Variants in ZDHHC2 observed in about 807,000 individuals in gnomAD.
The protein encoded by ZDHHC2 is palmitoyltransferase ZDHHC2.
In ZDHHC2, 51 loss-of-function variants were observed where a neutral mutation model predicts 55.6. The ratio of observed to expected loss-of-function variants is 0.92; its 90% CI spans 0.73 to 1.16. ZDHHC2 has a LOEUF of 1.16. ZDHHC2 is among the 50% of genes most tolerant of loss of function. The pLI, the probability that ZDHHC2 is intolerant of heterozygous loss-of-function variation, is 0.00. For synonymous variants in ZDHHC2, 199 were observed against 152.9 expected (o/e 1.30, Z -2.22); for missense variants, 491 against 442.4 (o/e 1.11, Z -0.99).
chr8:17,203,955 G>C (rs112962302), intron 6 of ZDHHC2, among the ~76,000 whole-genome samples: 1 of 151,986 alleles, frequency 6.6e-6, no homozygotes, highest in Non-Finnish European at 1.5e-5. Context: ...CTACAGGCGT[G>C]TACTACCACG....
intron 1 of ZDHHC2, among the ~76,000 whole-genome samples, chr8:17,177,752 TTG>T (rs10570051): frequency 0.39 from 58,279 of 148,438 alleles, 13,428 homozygotes; most frequent in East Asian, 0.78. Flanking sequence ...TTTGGGGTGT[TTG>T]TGTGTGTGTG....
At chr8:17,197,041 T>C (rs1238619729) in intron 4 of ZDHHC2, among the ~76,000 whole-genome samples, 1 of 152,186 alleles carries the variant, frequency 6.6e-6, no homozygotes, top group Non-Finnish European at 1.5e-5. Context: ...AGTTTTACCC[T>C]ACAAAGACAG....
intron 3 of ZDHHC2, among the ~76,000 whole-genome samples, chr8:17,186,789 G>A (rs1037359568): frequency 1.3e-5 from 2 of 152,156 alleles, no homozygotes; most frequent in Admixed American, 6.5e-5. Context: ...TCAGCCACCA[G>A]AAACAACAAC....
chr8:17,187,742 A>G (rs1330037543), intron 3 of ZDHHC2, among the ~76,000 whole-genome samples: 6 of 151,814 alleles, frequency 4.0e-5, no homozygotes, highest in African/African-American at 1.2e-4. Flanking sequence ...AGTCTCATCC[A>G]CTCTGGTAGT....
chr8:17,205,357 G>A lies in ZDHHC2; in HGVS notation c.477-298G>A, dbSNP rs561455481. Among the ~76,000 whole-genome samples the A allele has an allele frequency of 1.3e-4, 20 of 152,310 alleles. No homozygotes were observed. In the South Asian group the frequency reaches 4.1e-3, roughly 32 times the overall value. The stretch of plus-strand genomic sequence containing the variant: ...CACCTAAGCTGCCTGGCCTGATACG[G>A]TTTCTCGCAGGCTCTGTGCTTTGAG... On this transcript the variant is annotated intron_variant, in intron 6 of 12. Transcript: ENST00000262096.
chr8:17,196,904 G>A (rs1275834883), intron 4 of ZDHHC2, among the ~76,000 whole-genome samples: 7 of 148,692 alleles, frequency 4.7e-5, no homozygotes, highest in South Asian at 4.2e-4. Context: ...GTGAGATTTC[G>A]TCTCAGAAAA....
At chr8:17,167,803 T>C (rs1003982383) in intron 1 of ZDHHC2, among the ~76,000 whole-genome samples, 11 of 152,172 alleles carry the variant, frequency 7.2e-5, no homozygotes, top group Admixed American at 2.6e-4. Flanking sequence ...AAGAACAATT[T>C]AGAATGTAAA....
chr8:17,221,803 A>G lies in ZDHHC2; in HGVS notation c.*1582A>G, dbSNP rs894632947. On this transcript the variant is annotated 3_prime_UTR_variant, in exon 13 of 13. Transcript: ENST00000262096. ...TTATGCTGAAGAGTTTCATCTGACA[A>G]TCTGCTTCAAGAAATCTCAGAAAAT... is the stretch of plus-strand genomic sequence containing the variant. 6 of 152,446 alleles carry G rather than the reference A, an allele frequency of 3.9e-5. No individual in the cohort carries two copies. Among genetic ancestry groups the G allele is most frequent in the Non-Finnish European group, 7.4e-5 (5 of 67,916 alleles). The allele number at this position is 152,446 out of a possible 1,614,324, so 9.4% of individuals were successfully genotyped here. A position where few individuals can be genotyped will look rare whatever the true frequency, so the allele number is the denominator to read the frequency against.
intron 1 of ZDHHC2, among the ~76,000 whole-genome samples, chr8:17,165,113 C>G (rs1273875162): frequency 6.6e-6 from 1 of 152,170 alleles, no homozygotes; most frequent in Non-Finnish European, 1.5e-5. Flanking sequence ...TCCAGAACAG[C>G]TGAGCTGGAG....
intron 3 of ZDHHC2, 95 bp downstream of exon 3, chr8:17,186,520 T>G (rs1805720251): frequency 1.4e-6 from 1 of 724,656 alleles, no homozygotes; most frequent in African/African-American, 1.9e-5. Context: ...GTTGCAAACT[T>G]ATTGAGTTTA....
intron 6 of ZDHHC2, among the ~76,000 whole-genome samples, chr8:17,202,492 G>A (rs532224853): frequency 2.0e-5 from 3 of 152,248 alleles, no homozygotes; most frequent in African/African-American, 7.2e-5. Flanking sequence ...CAACAGCTGT[G>A]TTTTACACTG....
intron 1 of ZDHHC2, among the ~76,000 whole-genome samples, chr8:17,165,314 A>G (rs1289295731): frequency 6.6e-6 from 1 of 152,218 alleles, no homozygotes; most frequent in Admixed American, 6.5e-5. Context: ...CTTAACTATG[A>G]CTAGTGATTA....
intron 1 of ZDHHC2, among the ~76,000 whole-genome samples, chr8:17,183,005 A>C (rs1046648169): frequency 6.6e-6 from 1 of 152,070 alleles, no homozygotes; most frequent in African/African-American, 2.4e-5. Flanking sequence ...CAGGTGATCC[A>C]CCCACCTTGG....
chr8:17,207,222 G>A (rs532328968), intron 7 of ZDHHC2, among the ~76,000 whole-genome samples: 13 of 152,300 alleles, frequency 8.5e-5, no homozygotes, highest in African/African-American at 2.9e-4. Context: ...GAGACACCTC[G>A]TGGCAGCCAT....
chr8:17,184,320 A>G (rs941699732), intron 1 of ZDHHC2, among the ~76,000 whole-genome samples: 3 of 152,288 alleles, frequency 2.0e-5, no homozygotes, highest in Non-Finnish European at 2.9e-5. Context: ...AAGCATTTGT[A>G]CTTTTAGAAA....
intron 1 of ZDHHC2, among the ~76,000 whole-genome samples, chr8:17,174,468 T>G (rs1253256962): frequency 6.6e-6 from 1 of 152,086 alleles, no homozygotes; most frequent in African/African-American, 2.4e-5. Flanking sequence ...GAGTCTACTG[T>G]GCTGGAAGGG....
Position 17,156,571 on chromosome 8 carries a change from T to G in ZDHHC2, c.-153T>G. ...GCCGCGCCGGCTCGGGGCTGCGGGA[T>G]GGGGAGTTAGCGCCACGGCGGCGGC... On this transcript the variant is annotated 5_prime_UTR_variant, in exon 1 of 13. An upstream start codon of the reference 5' UTR is lost. Coordinates refer to ENST00000262096, the MANE Select transcript of ZDHHC2 (RefSeq NM_016353.5). 2.0e-5 allele frequency: 8 copies of G among 401,576 alleles called. No homozygotes were observed. The highest frequency in any genetic ancestry group is 1.5e-4 in the East Asian group (1 of 6,604). The allele number at this position is 401,576 out of a possible 1,614,324, so 24.9% of individuals were successfully genotyped here.
chr8:17,179,644 T>G (rs947327511), intron 1 of ZDHHC2, among the ~76,000 whole-genome samples: 4 of 152,090 alleles, frequency 2.6e-5, no homozygotes, highest in African/African-American at 9.7e-5. Flanking sequence ...CTCTTGGCCT[T>G]AAGTGATCCT....
rs1554466019 is a variant in ZDHHC2, at chr8:17,199,509, T to TTGTTCTTCG, written c.476+1097_476+1098insGTTCTTCGT. ...CTTCTTCTTCTTCTTCTTCTTCTTC[T>TTGTTCTTCG]TCTTCGTCTTCGTCTTCGTCTTCTG... On this transcript the variant is annotated intron_variant, in intron 6 of 12. Coordinates refer to ENST00000262096, the MANE Select transcript of ZDHHC2 (RefSeq NM_016353.5). Among the ~76,000 whole-genome samples, 42 of 121,208 alleles carry TTGTTCTTCG rather than the reference T, an allele frequency of 3.5e-4. 3 individuals are homozygous for TTGTTCTTCG. Among genetic ancestry groups the TTGTTCTTCG allele is most frequent in the South Asian group, 2.5e-3 (9 of 3,536 alleles). 79.5% of individuals were successfully genotyped at this position (121,208 alleles called of 152,430 possible). A position where few individuals can be genotyped will look rare whatever the true frequency, so the allele number is the denominator to read the frequency against.
Sources: allele counts gnomAD v4.1 joint callset (sites outside exome capture counted in the v4.1 genomes callset), GRCh38; gene constraint gnomAD v4.1.1; transcripts MANE v1.5; gene names NCBI Gene and HGNC (gene_info 2026-07-23, HGNC 2026-07-21).